Variants in HS6ST3 observed in about 807,000 individuals in gnomAD.
HS6ST3 encodes heparan sulfate 6-O-sulfotransferase 3, also known as heparan-sulfate 6-O-sulfotransferase 3.
A neutral mutation model predicts 36.7 loss-of-function variants in HS6ST3; 12 were observed. That is an observed-to-expected ratio of 0.33 (90% CI 0.21 to 0.53). The LOEUF is 0.53. Among genes scored for constraint, HS6ST3 ranks in the 20% least tolerant of loss-of-function variants. HS6ST3 has a pLI of 0.95. For missense variants in HS6ST3, 584 were observed against 640.9 expected (o/e 0.91, Z 0.96); for synonymous variants, 240 against 257.5 (o/e 0.93, Z 0.65).
At chr13:96,278,695 A>G (rs1249659171) in intron 1 of HS6ST3, among the ~76,000 whole-genome samples, 2 of 152,176 alleles carry the variant, frequency 1.3e-5, no homozygotes, top group African/African-American at 2.4e-5. Flanking sequence ...ATCAGGTGTG[A>G]ATAAAATGAA....
intron 1 of HS6ST3, among the ~76,000 whole-genome samples, chr13:96,749,672 T>TG (rs1876651938): frequency 6.6e-6 from 1 of 152,108 alleles, no homozygotes; most frequent in Non-Finnish European, 1.5e-5. Flanking sequence ...TTATGTGGGT[T>TG]GGTAGTCTAA....
rs1283043569 is a variant in HS6ST3, at chr13:96,413,538, G to A, written c.707+321969G>A. On this transcript the variant is annotated intron_variant, in intron 1 of 1. Coordinates refer to ENST00000376705, the MANE Select transcript of HS6ST3 (RefSeq NM_153456.4). The stretch of plus-strand genomic sequence containing the variant: ...TGCAAAATATTAAGATTGAGAATTT[G>A]TAGAGGATACTGAAGCAAAACAATT... Among the ~76,000 whole-genome samples the A allele has an allele frequency of 2.6e-5, 4 of 152,174 alleles. No homozygotes were observed. In the South Asian group the frequency reaches 6.2e-4, roughly 24 times the overall value.
chr13:96,264,125 C>G (rs1216572877), intron 1 of HS6ST3, among the ~76,000 whole-genome samples: 1 of 152,208 alleles, frequency 6.6e-6, no homozygotes, highest in Non-Finnish European at 1.5e-5. Flanking sequence ...GGAAAACAAA[C>G]TCATGCCTAT....
At chr13:96,711,581 C>A (rs549046109) in intron 1 of HS6ST3, among the ~76,000 whole-genome samples, 1 of 152,266 alleles carries the variant, frequency 6.6e-6, no homozygotes, top group South Asian at 2.1e-4. Context: ...CACTTCCTGT[C>A]CTTCTATGAA....
chr13:96,594,731 C>A (rs1490780199), intron 1 of HS6ST3, among the ~76,000 whole-genome samples: 2 of 152,016 alleles, frequency 1.3e-5, no homozygotes, highest in East Asian at 3.9e-4. Context: ...TGTCTTTTAA[C>A]CTTTGTACTA....
At chr13:96,198,673 C>T (rs936777878) in intron 1 of HS6ST3, among the ~76,000 whole-genome samples, 1 of 152,196 alleles carries the variant, frequency 6.6e-6, no homozygotes, top group Non-Finnish European at 1.5e-5. Context: ...CAGTTCCCAA[C>T]AAGTTCCTCA....
chr13:96,633,238 C>T (rs2056537968), intron 1 of HS6ST3, among the ~76,000 whole-genome samples: 2 of 152,126 alleles, frequency 1.3e-5, no homozygotes, highest in South Asian at 4.1e-4. Flanking sequence ...ATGCATAAAA[C>T]ACAATGGGGA....
At chr13:96,672,221 G>A (rs543236571) in intron 1 of HS6ST3, among the ~76,000 whole-genome samples, 1 of 152,178 alleles carries the variant, frequency 6.6e-6, no homozygotes, top group South Asian at 2.1e-4. Context: ...TTACCAAATG[G>A]TTAGTCAATG....
chr13:96,765,571 G>A (rs1011183430), intron 1 of HS6ST3, among the ~76,000 whole-genome samples: 6 of 147,614 alleles, frequency 4.1e-5, no homozygotes, highest in Admixed American at 1.3e-4. Context: ...GAACAGAGAT[G>A]TATGCGCTCT....
At chr13:96,258,281 TC>T (rs2054647292) in intron 1 of HS6ST3, among the ~76,000 whole-genome samples, 1 of 152,192 alleles carries the variant, frequency 6.6e-6, no homozygotes, top group African/African-American at 2.4e-5. Flanking sequence ...TAATATGATC[TC>T]CGAATCACTT....
chr13:96,589,925 T>C (rs377258828), intron 1 of HS6ST3, among the ~76,000 whole-genome samples: 3 of 152,272 alleles, frequency 2.0e-5, no homozygotes, highest in African/African-American at 7.2e-5. Flanking sequence ...ATATAAGTTA[T>C]AAGATGTGAA....
rs550565290 is a variant in HS6ST3, at chr13:96,666,265, A to G, written c.708-166225A>G. On this transcript the variant is annotated intron_variant, in intron 1 of 1. Transcript: ENST00000376705. ...TGGGGGTAAGCCCCACCATGATTCAATTACCTTCCACCAGGTCCCTCTGAT... is the reference window on the plus strand; with the variant it reads ...TGGGGGTAAGCCCCACCATGATTCAGTTACCTTCCACCAGGTCCCTCTGAT... 2.4e-4 allele frequency among the ~76,000 whole-genome samples: 37 copies of G among 152,260 alleles called. No individual in the cohort carries two copies. In the South Asian group the frequency reaches 6.6e-3, roughly 27 times the overall value.
At chr13:96,339,998 C>T (rs1322949888) in intron 1 of HS6ST3, among the ~76,000 whole-genome samples, 1 of 152,162 alleles carries the variant, frequency 6.6e-6, no homozygotes, top group Non-Finnish European at 1.5e-5. Context: ...GGTCCAGTTG[C>T]GTAAGGTGAA....
At position 96,090,819 on chromosome 13, in the gene HS6ST3, G is replaced by A. The variant is rs1263720379; in HGVS notation, c.-44G>A. Reference sequence around the variant, plus strand: ...CGAGCGGGCGCCCGTCCGCCCTGCCGCCGCCGCCGCCGCCGCTTCGCCTGC... The same window carrying A: ...CGAGCGGGCGCCCGTCCGCCCTGCCACCGCCGCCGCCGCCGCTTCGCCTGC... On this transcript the variant is annotated 5_prime_UTR_variant, in exon 1 of 2. Transcript: ENST00000376705. 2 of 1,442,084 alleles carry A rather than the reference G, an allele frequency of 1.4e-6. No homozygotes were observed. The highest frequency in any genetic ancestry group is 3.0e-5 in the East Asian group (1 of 33,506). 89.3% of individuals were successfully genotyped at this position (1,442,084 alleles called of 1,614,324 possible).
chr13:96,373,061 T>C (rs2055297664), intron 1 of HS6ST3, among the ~76,000 whole-genome samples: 1 of 152,186 alleles, frequency 6.6e-6, no homozygotes, highest in East Asian at 1.9e-4. Context: ...CTTCCTTGGC[T>C]TGTGGCTGCT....
intron 1 of HS6ST3, among the ~76,000 whole-genome samples, chr13:96,153,308 C>A (rs1166447038): frequency 6.6e-6 from 1 of 152,122 alleles, no homozygotes; most frequent in Non-Finnish European, 1.5e-5. Flanking sequence ...TTCAGAAGCA[C>A]GAGCTCAATC....
intron 1 of HS6ST3, among the ~76,000 whole-genome samples, chr13:96,677,462 A>G (rs2056702618): frequency 6.6e-6 from 1 of 152,122 alleles, no homozygotes; most frequent in Non-Finnish European, 1.5e-5. Context: ...GGCATTTTAA[A>G]TTTAATTTAG....
At chr13:96,541,671 G>T (rs924201297) in intron 1 of HS6ST3, among the ~76,000 whole-genome samples, 3 of 152,148 alleles carry the variant, frequency 2.0e-5, no homozygotes, top group African/African-American at 7.2e-5. Flanking sequence ...TTCTGAAAAT[G>T]GGATGATATA....
intron 1 of HS6ST3, among the ~76,000 whole-genome samples, chr13:96,794,101 T>A (rs1242880216): frequency 1.3e-5 from 2 of 152,108 alleles, no homozygotes; most frequent in East Asian, 3.9e-4. Flanking sequence ...TGACTACTTT[T>A]GTTTCTACTG....
Sources: gnomAD v4.1 joint callset for allele counts (sites outside exome capture counted in the v4.1 genomes callset) on GRCh38, gnomAD v4.1.1 for gene constraint, MANE v1.5 for transcripts, NCBI Gene and HGNC (gene_info 2026-07-23, HGNC 2026-07-21) for gene names.